Variants in NIPBL observed in about 807,000 individuals in gnomAD.
The protein encoded by NIPBL is NIPBL cohesin loading factor.
In NIPBL, 19 loss-of-function variants were observed where a neutral mutation model predicts 321.8. The ratio of observed to expected loss-of-function variants is 0.06; its 90% CI spans 0.04 to 0.09. NIPBL has a LOEUF of 0.09. Among genes scored for constraint, NIPBL ranks in the 10% least tolerant of loss-of-function variants. The probability of loss-of-function intolerance (pLI) is 1.00; values close to 1 mark genes in which losing one functional copy is unlikely to be tolerated. For synonymous variants in NIPBL, 1,106 were observed against 1,114.1 expected, an observed-to-expected ratio of 0.99 and a Z score of 0.14; for missense variants, 2,210 against 3,327.0, an observed-to-expected ratio of 0.66 and a Z score of 8.26.
At position 37,014,802 on chromosome 5, in the gene NIPBL, C is replaced by A. The variant is rs749329164; in HGVS notation, c.4643+37C>A. On this transcript the variant is annotated intron_variant, in intron 22 of 46. Transcript: ENST00000282516. ...TAATATAAATCTGGTTTTTCTTTTC[C>A]ACAGTATAGAGAATAGTTCATTTTT... The A allele has an allele frequency of 1.9e-5, 23 of 1,219,902 alleles. No individual in the cohort carries two copies. The Admixed American group carries it at 3.7e-4, about 20-fold the overall frequency. 75.6% of individuals were successfully genotyped at this position (1,219,902 alleles called of 1,614,324 possible). A position where few individuals can be genotyped will look rare whatever the true frequency, so the allele number is the denominator to read the frequency against.
At position 37,033,554 on chromosome 5, in the gene NIPBL, A is replaced by G. The variant is rs1192900384; in HGVS notation, c.5863-2825A>G. Among the ~76,000 whole-genome samples the G allele has an allele frequency of 7.4e-5, 7 of 94,108 alleles. No homozygotes were observed. The East Asian group carries it at 1.6e-3, about 22-fold the overall frequency. The allele number at this position is 94,108 out of a possible 152,430, so 61.7% of individuals were successfully genotyped here. A position where few individuals can be genotyped will look rare whatever the true frequency, so the allele number is the denominator to read the frequency against. ...GGGGTTGGGATATTTGACTGTCCAT[A>G]AGAATTAAAAAAAAAAGATTCCTAC... On this transcript the variant is annotated intron_variant, in intron 32 of 46. Coordinates refer to ENST00000282516, the MANE Select transcript of NIPBL (RefSeq NM_133433.4).
intron 35 of NIPBL, 43 bp from the exon 36 acceptor site, chr5:37,044,593 G>A (rs577761551): frequency 6.3e-7 from 1 of 1,575,606 alleles, no homozygotes; most frequent in African/African-American, 1.4e-5. Context: ...TTTTAAAATA[G>A]TATATTTTTA....
intron 16 of NIPBL, among the ~76,000 whole-genome samples, chr5:37,004,279 G>A (rs1351274342): frequency 6.6e-6 from 1 of 152,134 alleles, no homozygotes; most frequent in Non-Finnish European, 1.5e-5. Flanking sequence ...TAGCATTGTA[G>A]TGGACTATGA....
intron 1 of NIPBL, among the ~76,000 whole-genome samples, chr5:36,914,632 C>G (rs1012036762): frequency 7.2e-5 from 11 of 152,134 alleles, no homozygotes; most frequent in Admixed American, 1.3e-4. Context: ...TATCTCATTA[C>G]GTATATGCAC....
chr5:37,055,870 G>A (rs1754034787), intron 42 of NIPBL, among the ~76,000 whole-genome samples: 1 of 151,950 alleles, frequency 6.6e-6, no homozygotes, highest in African/African-American at 2.4e-5. Context: ...AACTGGACAG[G>A]CCTGGTGGTA....
intron 1 of NIPBL, among the ~76,000 whole-genome samples, chr5:36,925,898 CCAAA>C (rs1206253064): frequency 6.6e-6 from 1 of 152,082 alleles, no homozygotes; most frequent in Non-Finnish European, 1.5e-5. Flanking sequence ...ACCCTGTCTC[CCAAA>C]CTTCTAAGTC....
intron 1 of NIPBL, among the ~76,000 whole-genome samples, chr5:36,929,825 TGTTGACAAGACTGTC>T (rs1199431724): frequency 6.6e-6 from 1 of 152,106 alleles, no homozygotes; most frequent in Non-Finnish European, 1.5e-5. Context: ...AAAAATCATT[TGTTGACAAGACTGTC>T]TTTTATTCCA....
intron 1 of NIPBL, among the ~76,000 whole-genome samples, chr5:36,917,400 A>G (rs925640912): frequency 4.6e-5 from 7 of 152,122 alleles, no homozygotes; most frequent in African/African-American, 1.7e-4. Context: ...CCTTTGTCAG[A>G]TGAGTGGATT....
intron 34 of NIPBL, among the ~76,000 whole-genome samples, chr5:37,040,944 C>T (rs188124197): frequency 6.6e-6 from 1 of 152,150 alleles, no homozygotes; most frequent in Admixed American, 6.5e-5. Context: ...TTTCTTGGTA[C>T]TGACCAGTGG....
intron 33 of NIPBL, among the ~76,000 whole-genome samples, chr5:37,037,707 G>T (rs1579529339): frequency 6.9e-6 from 1 of 144,562 alleles, no homozygotes. Flanking sequence ...TCCCCATCCT[G>T]GAATTTAGGG....
intron 1 of NIPBL, among the ~76,000 whole-genome samples, chr5:36,896,667 T>C (rs188134427): frequency 6.6e-6 from 1 of 152,330 alleles, no homozygotes; most frequent in Admixed American, 6.5e-5. Flanking sequence ...TGGCATGATC[T>C]TGGCTCACTG....
intron 10 of NIPBL, among the ~76,000 whole-genome samples, chr5:36,988,502 T>C (rs2149650661): frequency 6.7e-6 from 1 of 148,870 alleles, no homozygotes; most frequent in South Asian, 2.1e-4. Context: ...GATCCATATC[T>C]TTTTTTTTTA....
At chr5:36,958,297 T>G (rs964229477) in intron 4 of NIPBL, 66 bp downstream of exon 4, 4 of 1,539,246 alleles carry the variant, frequency 2.6e-6, no homozygotes, top group East Asian at 4.6e-5. Flanking sequence ...TCCAGGTGTC[T>G]TCTTTAACAA....
chr5:37,002,701 A>G lies in NIPBL; in HGVS notation c.3704A>G (p.Lys1235Arg). 6.2e-7 allele frequency: 1 copy of G among 1,612,936 alleles called. No homozygotes were observed. The highest frequency in any genetic ancestry group is 8.5e-7 in the Non-Finnish European group (1 of 1,179,210). The part of the protein sequence containing the change: ...DEIPQELLLG[K>R]HQLNELGSES... ...ATTCCTCAGGAACTGCTCTTAGGAA[A>G]ACATCAGCTTAATGAACTTGGCAGT... Residue 1235 changes from lysine (K) to arginine (R), a missense_variant, in exon 15 of 47, where the codon AAA becomes AGA. Physicochemically the swap from Lys to Arg is conservative, Grantham distance 26. Transcript: ENST00000282516.
rs763610468 is a variant in NIPBL at position 37,048,537 on chromosome 5, G to A, written c.6625G>A (p.Glu2209Lys). ...TATTCAGCATCCAAGTCTAATGTTC[G>A]AGCAAGAAGTGAAGAATCTATATAA... ...AFIQHPSLMF[E>K]QEVKNLYNNI... Residue 2209 changes from glutamate (E) to lysine (K), a missense_variant, in exon 39 of 47, where the codon GAG (glutamate) becomes AAG (lysine). Glu to Lys is a moderately conservative substitution (Grantham distance 56). This residue lies in a region of NIPBL where 40 missense variants were observed against 55.3 expected (regional missense o/e 0.72). Transcript: ENST00000282516. 6.3e-7 allele frequency: 1 copy of A among 1,583,630 alleles called. No homozygotes were observed. Among genetic ancestry groups the A allele is most frequent in the Non-Finnish European group, 8.6e-7 (1 of 1,165,196 alleles).
At chr5:36,954,544 CA>C (rs1324822226) in intron 2 of NIPBL, among the ~76,000 whole-genome samples, 2 of 152,116 alleles carry the variant, frequency 1.3e-5, no homozygotes, top group Non-Finnish European at 2.9e-5. Context: ...TTTTTATTAT[CA>C]CTTTGTTGTA....
At chr5:36,904,059 T>A (rs1306415089) in intron 1 of NIPBL, among the ~76,000 whole-genome samples, 1 of 152,240 alleles carries the variant, frequency 6.6e-6, no homozygotes. Flanking sequence ...TATAGGATTG[T>A]TTATGAGGTT....
chr5:36,992,699 A>G (rs1271455543), intron 10 of NIPBL, among the ~76,000 whole-genome samples: 1 of 148,704 alleles, frequency 6.7e-6, no homozygotes, highest in Non-Finnish European at 1.5e-5. Flanking sequence ...TGAATATGGG[A>G]AAGTCATGCA....
intron 1 of NIPBL, among the ~76,000 whole-genome samples, chr5:36,915,881 C>G (rs961527222): frequency 1.3e-5 from 2 of 152,074 alleles, no homozygotes; most frequent in African/African-American, 4.8e-5. Flanking sequence ...ATCAAACTGC[C>G]TAAGAACCCA....
Sources: gnomAD v4.1 joint callset for allele counts (sites outside exome capture counted in the v4.1 genomes callset) on GRCh38, gnomAD v4.1.1 for gene constraint, gnomAD v4.1.1 regional missense constraint, MANE v1.5 for transcripts, NCBI Gene and HGNC (gene_info 2026-07-23, HGNC 2026-07-21) for gene names.